SASH1: variants seen among roughly 807,000 people sequenced by gnomAD.
The protein encoded by SASH1 is SAM and SH3 domain containing 1, also known as SAM and SH3 domain-containing protein 1.
SASH1 carries 44 observed loss-of-function variants against 125.2 expected under a neutral mutation model. That is an observed-to-expected ratio of 0.35 (90% CI 0.28 to 0.45). The LOEUF (loss-of-function observed/expected upper bound fraction) is 0.45. Among genes scored for constraint, SASH1 ranks in the 20% least tolerant of loss-of-function variants. SASH1 has a pLI of 1.00. For missense variants in SASH1, 1,426 were observed against 1,614.5 expected (o/e 0.88, Z 2.00); for synonymous variants, 639 against 649.1 (o/e 0.98, Z 0.24).
intron 1 of SASH1, among the ~76,000 whole-genome samples, chr6:148,368,760 G>GCACACACA (rs1391322609): frequency 1.3e-4 from 2 of 14,930 alleles, no homozygotes; most frequent in Middle Eastern, 0.038. Context: ...ACATGCGCGC[G>GCACACACA]CACGCGCGCG....
chr6:148,227,208 G>A, the SASH1 span, among the ~76,000 whole-genome samples: 8 of 152,134 alleles, frequency 5.3e-5, no homozygotes, highest in African/African-American at 1.9e-4. Flanking sequence ...ATCAGAAAAG[G>A]TTTATGTACA....
chr6:148,511,533 A>G (rs1780140017), intron 8 of SASH1, among the ~76,000 whole-genome samples: 1 of 152,218 alleles, frequency 6.6e-6, no homozygotes, highest in Non-Finnish European at 1.5e-5. Flanking sequence ...ATTTTTCTAG[A>G]AAAATAAAAA....
chr6:148,238,641 C>T, the SASH1 span, among the ~76,000 whole-genome samples: 1 of 151,580 alleles, frequency 6.6e-6, no homozygotes, highest in Admixed American at 6.6e-5. Flanking sequence ...CACACACACA[C>T]ACACACACAC....
rs1414162893 is a variant in SASH1 at position 148,550,687 on chromosome 6, G to C, written c.*2129G>C. The stretch of plus-strand genomic sequence containing the variant: ...TATTTGCAATGTAATGAAGCTGCAG[G>C]GTTCTTGTATAGCTAAAGCGTTCAA... On this transcript the variant is annotated 3_prime_UTR_variant, in exon 20 of 20. Transcript: ENST00000367467. The C allele has an allele frequency of 6.6e-6, 1 of 152,206 alleles. No homozygotes were observed. The highest frequency in any genetic ancestry group is 2.1e-4 in the South Asian group (1 of 4,836). 9.4% of individuals were successfully genotyped at this position (152,206 alleles called of 1,614,324 possible).
At chr6:148,496,336 T>C (rs1002400565) in intron 8 of SASH1, among the ~76,000 whole-genome samples, 2 of 152,212 alleles carry the variant, frequency 1.3e-5, no homozygotes, top group Admixed American at 1.3e-4. Context: ...AGCTAGAAAA[T>C]GGTTCTACTT....
intron 1 of SASH1, among the ~76,000 whole-genome samples, chr6:148,292,265 A>T (rs1436147880): frequency 6.6e-6 from 1 of 151,812 alleles, no homozygotes; most frequent in African/African-American, 2.4e-5. Flanking sequence ...TATCCAATTC[A>T]TTTTTTTTAA....
rs749939477 is a variant in SASH1 at position 148,474,151 on chromosome 6, G to A, written c.556G>A (p.Asp186Asn). 7 of 1,611,928 alleles carry A rather than the reference G, an allele frequency of 4.3e-6. No individual in the cohort carries two copies. The East Asian group carries it at 8.9e-5, about 21-fold the overall frequency. ...TGTTGCCAGTGAAATAACGATGAGC[G>A]ATGAGGAGCGGATTCAGCTAATGAT... ...GYVASEITMS[D>N]EERIQLMMMV... Residue 186 changes from aspartate to asparagine, a missense_variant, in exon 7 of 20, where the codon GAT becomes AAT. This residue lies in a region of SASH1 where 567 missense variants were observed against 575.6 expected (regional missense o/e 0.99). Transcript: ENST00000367467.
the SASH1 span, among the ~76,000 whole-genome samples, chr6:148,215,655 T>C: frequency 8.5e-5 from 13 of 152,138 alleles, no homozygotes; most frequent in Non-Finnish European, 1.3e-4. Context: ...CGAGGTATCA[T>C]AGAAAGCAAC....
At chr6:148,292,948 A>T (rs966787003) in intron 1 of SASH1, among the ~76,000 whole-genome samples, 1 of 151,996 alleles carries the variant, frequency 6.6e-6, no homozygotes, top group African/African-American at 2.4e-5. Flanking sequence ...GCTACTCAGG[A>T]GGCTGAGGCA....
At chr6:148,472,921 G>C (rs1455756655) in intron 6 of SASH1, among the ~76,000 whole-genome samples, 1 of 152,112 alleles carries the variant, frequency 6.6e-6, no homozygotes, top group Non-Finnish European at 1.5e-5. Context: ...AGGAGAGCAG[G>C]GTGTGGGACT....
chr6:148,401,202 C>T (rs1483758932), intron 2 of SASH1, among the ~76,000 whole-genome samples: 3 of 150,320 alleles, frequency 2.0e-5, no homozygotes, highest in Non-Finnish European at 2.9e-5. Flanking sequence ...TGCAGTGAGC[C>T]GAGATTGCAC....
chr6:148,448,256 G>A (rs1290685399), intron 4 of SASH1, among the ~76,000 whole-genome samples: 1 of 152,086 alleles, frequency 6.6e-6, no homozygotes, highest in Non-Finnish European at 1.5e-5. Context: ...TGAATAAATC[G>A]ATTGAGTGAG....
intron 1 of SASH1, among the ~76,000 whole-genome samples, chr6:148,306,004 C>A (rs1219374909): frequency 1.3e-5 from 2 of 152,078 alleles, no homozygotes; most frequent in Admixed American, 6.6e-5. Flanking sequence ...ATGCTTGTAT[C>A]AAAATATCTC....
chr6:148,509,780 G>A (rs566964726), intron 8 of SASH1, among the ~76,000 whole-genome samples: 1 of 152,354 alleles, frequency 6.6e-6, no homozygotes, highest in East Asian at 1.9e-4. Context: ...GCACACAAAT[G>A]TTTGTACTCA....
chr6:148,352,624 A>G (rs947316574), intron 1 of SASH1, among the ~76,000 whole-genome samples: 1 of 151,222 alleles, frequency 6.6e-6, no homozygotes, highest in Admixed American at 6.6e-5. Context: ...TAAATAAATA[A>G]ATAAATAAAT....
chr6:148,530,232 C>T (rs1193063454), intron 12 of SASH1, among the ~76,000 whole-genome samples: 1 of 152,138 alleles, frequency 6.6e-6, no homozygotes, highest in Non-Finnish European at 1.5e-5. Context: ...AATTCATAAA[C>T]ATGTGATGAA....
At chr6:148,338,756 G>A (rs1375414344), upstream of SASH1, among the ~76,000 whole-genome samples, 1 of 151,764 alleles carries the variant, frequency 6.6e-6, no homozygotes, top group Non-Finnish European at 1.5e-5. Context: ...TGTAATCCCA[G>A]CACTTTGGGA....
At position 148,550,040 on chromosome 6, in the gene SASH1, C is replaced by A. The variant is rs1782801830; in HGVS notation, c.*1482C>A. The A allele has an allele frequency of 6.6e-6, 1 of 152,574 alleles. No individual in the cohort carries two copies. Among genetic ancestry groups the A allele is most frequent in the Non-Finnish European group, 1.5e-5 (1 of 68,314 alleles). The allele number at this position is 152,574 out of a possible 1,614,324, so 9.5% of individuals were successfully genotyped here. A position where few individuals can be genotyped will look rare whatever the true frequency, so the allele number is the denominator to read the frequency against. ...GGCCAGGCTGGTCTCAAACTCAACT[C>A]CTGACCTCAGGTGGTCCACCCGCCT... On this transcript the variant is annotated 3_prime_UTR_variant, in exon 20 of 20. Transcript: ENST00000367467.
the SASH1 span, among the ~76,000 whole-genome samples, chr6:148,246,326 G>A: frequency 0.19 from 29,398 of 152,118 alleles, 2,977 homozygotes; most frequent in East Asian, 0.36. Context: ...CTTTAGAATT[G>A]TTTCTTTCTC....
Sources: gnomAD v4.1 joint callset for allele counts (sites outside exome capture counted in the v4.1 genomes callset) on GRCh38, gnomAD v4.1.1 for gene constraint, gnomAD v4.1.1 regional missense constraint, MANE v1.5 for transcripts, NCBI Gene and HGNC (gene_info 2026-07-23, HGNC 2026-07-21) for gene names.